Variants in DLG2 observed in about 807,000 individuals in gnomAD.
DLG2 encodes discs large MAGUK scaffold protein 2.
In DLG2, 45 loss-of-function variants were observed where a neutral mutation model predicts 132.5. The observed-to-expected ratio is 0.34, with a 90% CI of 0.27 to 0.44. The LOEUF (loss-of-function observed/expected upper bound fraction) is 0.44. DLG2 is among the 20% of genes least tolerant of loss of function. The probability of loss-of-function intolerance (pLI) is 1.00; values close to 1 mark genes in which losing one functional copy is unlikely to be tolerated. For missense variants in DLG2, 1,045 were observed against 1,196.9 expected, an observed-to-expected ratio of 0.87 and a Z score of 1.87; for synonymous variants, 424 against 419.6, an observed-to-expected ratio of 1.01 and a Z score of -0.13.
intron 11 of DLG2, among the ~76,000 whole-genome samples, chr11:84,036,803 C>A (rs2095874962): frequency 6.6e-6 from 1 of 152,082 alleles, no homozygotes; most frequent in Non-Finnish European, 1.5e-5. Flanking sequence ...GTCACAGCAC[C>A]TTCTGTGAAT....
In DLG2 at chr11:83,457,177, G is replaced by A. The variant is rs1045227262; in HGVS notation, c.*2641C>T. 2.6e-4 allele frequency: 40 copies of A among 152,646 alleles called. No homozygotes were observed. The highest frequency in any genetic ancestry group is 2.4e-5 in the African/African-American group (1 of 41,442). 9.5% of individuals were successfully genotyped at this position (152,646 alleles called of 1,614,324 possible). On this transcript the variant is annotated 3_prime_UTR_variant, in exon 28 of 28. Coordinates refer to ENST00000376104, the MANE Select transcript of DLG2 (RefSeq NM_001142699.3). Reference sequence around the variant, plus strand: ...GAGAGAGCTCTGGACAAAGTTTGCAGTGTTAGCACCAGTCTGGCCCCAGGC... The same window carrying A: ...GAGAGAGCTCTGGACAAAGTTTGCAATGTTAGCACCAGTCTGGCCCCAGGC...
intron 11 of DLG2, among the ~76,000 whole-genome samples, chr11:84,026,312 T>A (rs1451577684): frequency 1.3e-5 from 2 of 152,052 alleles, no homozygotes; most frequent in Non-Finnish European, 2.9e-5. Flanking sequence ...GACCTGTGTG[T>A]TTAGCAGAAA....
chr11:84,035,698 G>A (rs1180504085), intron 11 of DLG2, among the ~76,000 whole-genome samples: 1 of 152,080 alleles, frequency 6.6e-6, no homozygotes, highest in Non-Finnish European at 1.5e-5. Context: ...CCTAATTTAT[G>A]TCTTTAAAAT....
intron 9 of DLG2, among the ~76,000 whole-genome samples, chr11:84,148,693 C>A (rs771718633): frequency 2.6e-5 from 4 of 152,006 alleles, no homozygotes; most frequent in African/African-American, 9.7e-5. Context: ...GAGCATGTGT[C>A]TTTTTGGTAG....
At chr11:84,986,637 A>T (rs906695136) in intron 6 of DLG2, among the ~76,000 whole-genome samples, 1 of 152,186 alleles carries the variant, frequency 6.6e-6, no homozygotes, top group Non-Finnish European at 1.5e-5. Flanking sequence ...GATACACCAC[A>T]TAAAAAGAAT....
chr11:83,806,616 C>T (rs2045974650), intron 17 of DLG2, among the ~76,000 whole-genome samples: 1 of 152,144 alleles, frequency 6.6e-6, no homozygotes, highest in Non-Finnish European at 1.5e-5. Flanking sequence ...ACTGTAAGCC[C>T]CACGAGGGCA....
intron 7 of DLG2, among the ~76,000 whole-genome samples, chr11:84,427,647 C>G (rs1253037298): frequency 6.6e-6 from 1 of 152,176 alleles, no homozygotes; most frequent in Non-Finnish European, 1.5e-5. Context: ...TCTCAATCTT[C>G]TTAAACTTTC....
intron 3 of DLG2, among the ~76,000 whole-genome samples, chr11:85,396,412 G>A (rs991169094): frequency 2.0e-5 from 3 of 152,062 alleles, no homozygotes; most frequent in African/African-American, 7.2e-5. Context: ...GAACAAAACT[G>A]GACAGAGAAT....
At chr11:85,111,286 G>A (rs1029951692) in intron 6 of DLG2, among the ~76,000 whole-genome samples, 1 of 152,094 alleles carries the variant, frequency 6.6e-6, no homozygotes, top group Non-Finnish European at 1.5e-5. Context: ...TGACTATTAA[G>A]CAGTTGACAC....
intron 3 of DLG2, among the ~76,000 whole-genome samples, chr11:85,481,557 A>G (rs1294804135): frequency 6.6e-6 from 1 of 152,156 alleles, no homozygotes; most frequent in African/African-American, 2.4e-5. Flanking sequence ...ACTTTGCCTC[A>G]GATTCCAAAG....
intron 13 of DLG2, among the ~76,000 whole-genome samples, chr11:83,964,587 A>G (rs1271796604): frequency 2.6e-5 from 4 of 152,026 alleles, no homozygotes; most frequent in African/African-American, 7.2e-5. Context: ...TGACACAACT[A>G]TCCCTTACAT....
chr11:83,936,231 G>A (rs926133918), intron 14 of DLG2, among the ~76,000 whole-genome samples: 2 of 152,158 alleles, frequency 1.3e-5, no homozygotes, highest in East Asian at 1.9e-4. Context: ...TTTTAGTCTC[G>A]CAAAAGGTAC....
intron 3 of DLG2, among the ~76,000 whole-genome samples, chr11:85,462,493 C>A (rs1321453237): frequency 6.6e-6 from 1 of 152,126 alleles, no homozygotes; most frequent in Non-Finnish European, 1.5e-5. Flanking sequence ...GAGTTCATGT[C>A]CTTTCTAGGG....
chr11:84,889,780 G>C lies in DLG2; in HGVS notation c.357+221881C>G, dbSNP rs376784473. Among the ~76,000 whole-genome samples the C allele has an allele frequency of 9.2e-5, 14 of 152,216 alleles. No homozygotes were observed. The South Asian group carries it at 1.5e-3, about 16-fold the overall frequency. On this transcript the variant is annotated intron_variant, in intron 6 of 27. Transcript: ENST00000376104. ...GCTGAGGGTTAGTTCAGGTGCTTGC[G>C]CAATGGCATGTACATCTATCTCCTT...
At chr11:84,560,300 T>C (rs2099423514) in intron 6 of DLG2, among the ~76,000 whole-genome samples, 1 of 152,098 alleles carries the variant, frequency 6.6e-6, no homozygotes, top group East Asian at 1.9e-4. Context: ...CTAGGCACTA[T>C]CAATTCAGCT....
intron 19 of DLG2, among the ~76,000 whole-genome samples, chr11:83,612,916 T>C (rs907288643): frequency 1.3e-5 from 2 of 152,116 alleles, no homozygotes; most frequent in African/African-American, 2.4e-5. Flanking sequence ...CTTTACCTAT[T>C]TGGTGATCAA....
intron 3 of DLG2, among the ~76,000 whole-genome samples, chr11:85,321,412 A>G (rs2081059075): frequency 6.6e-6 from 1 of 152,014 alleles, no homozygotes; most frequent in South Asian, 2.1e-4. Flanking sequence ...ATAACTAGAG[A>G]TATAAATTTA....
rs181457034 is a variant in DLG2 at position 84,726,722 on chromosome 11, T to A, written c.358-191991A>T. On this transcript the variant is annotated intron_variant, in intron 6 of 27. Coordinates refer to ENST00000376104, the MANE Select transcript of DLG2 (RefSeq NM_001142699.3). ...CCACAATAGTTGAACTAATTTACAC[T>A]CCCACCAACAGTGTAAAAGTCTCCC... 1.2e-3 allele frequency among the ~76,000 whole-genome samples: 176 copies of A among 152,276 alleles called. 2 individuals carry two copies. The highest frequency in any genetic ancestry group is 3.9e-3 in the African/African-American group (162 of 41,556).
chr11:84,608,467 C>A (rs771677090), intron 6 of DLG2, among the ~76,000 whole-genome samples: 1 of 152,140 alleles, frequency 6.6e-6, no homozygotes, highest in South Asian at 2.1e-4. Context: ...TGCTAAGATT[C>A]GGTGAGAAAC....
Sources: allele counts gnomAD v4.1 joint callset (sites outside exome capture counted in the v4.1 genomes callset), GRCh38; gene constraint gnomAD v4.1.1; transcripts MANE v1.5; gene names NCBI Gene and HGNC (gene_info 2026-07-23, HGNC 2026-07-21).